Variants in SOS1 observed in about 807,000 individuals in gnomAD.
SOS1 encodes SOS Ras/Rac guanine nucleotide exchange factor 1.
Under a neutral mutation model 157.6 loss-of-function variants are expected in SOS1, and 25 were observed. The ratio of observed to expected loss-of-function variants is 0.16; its 90% CI spans 0.12 to 0.22. The LOEUF is 0.22. SOS1 is among the 10% of genes least tolerant of loss of function. The probability of loss-of-function intolerance (pLI) is 1.00; values close to 1 mark genes in which losing one functional copy is unlikely to be tolerated. For missense variants in SOS1, 1,237 were observed against 1,599.1 expected, an observed-to-expected ratio of 0.77 and a Z score of 3.86; for synonymous variants, 528 against 534.0, an observed-to-expected ratio of 0.99 and a Z score of 0.16.
intron 6 of SOS1, among the ~76,000 whole-genome samples, chr2:39,043,141 ATTAGG>A (rs1670631527): frequency 6.6e-6 from 1 of 152,152 alleles, no homozygotes; most frequent in African/African-American, 2.4e-5. Context: ...AATGTCCTTT[ATTAGG>A]TTAAGAAAGT....
intron 15 of SOS1, 170 bp from the exon 16 acceptor site, chr2:39,007,363 G>A: frequency 1.6e-6 from 1 of 608,988 alleles, no homozygotes; most frequent in East Asian, 2.8e-5. Context: ...AGTGCCTCCA[G>A]TCAGGCATAC....
At chr2:39,080,977 G>C (rs1464979895) in intron 1 of SOS1, among the ~76,000 whole-genome samples, 1 of 151,980 alleles carries the variant, frequency 6.6e-6, no homozygotes, top group African/African-American at 2.4e-5. Flanking sequence ...CTTGAGCCTA[G>C]GAGTTCAAGA....
upstream of SOS1, among the ~76,000 whole-genome samples, chr2:39,123,822 G>A (rs1051092121): frequency 6.6e-6 from 1 of 152,202 alleles, no homozygotes; most frequent in Non-Finnish European, 1.5e-5. Flanking sequence ...CAGAAAACGG[G>A]CGATTTTCGG....
rs1299196526 is a variant in SOS1 at position 38,996,905 on chromosome 2, A to G, written c.3081+17T>C. 4.0e-6 allele frequency: 5 copies of G among 1,254,358 alleles called. No homozygotes were observed. In the East Asian group the frequency reaches 9.3e-5, roughly 23 times the overall value. 77.7% of individuals were successfully genotyped at this position (1,254,358 alleles called of 1,614,324 possible). On this transcript the variant is annotated intron_variant, in intron 19 of 22. Transcript: ENST00000402219. ...ATGGTAGTAATGACATCACCAGACA[A>G]ATATACAAATGCTTACAAATCTTGG...
intron 17 of SOS1, among the ~76,000 whole-genome samples, chr2:39,004,406 C>CAAAAAAAAAAAAAAAAAATAA (rs1669217878): frequency 1.5e-5 from 1 of 66,534 alleles, no homozygotes; most frequent in African/African-American, 7.2e-5. Flanking sequence ...GACTCTGTGT[C>CAAAAAAAAAAAAAAAAAATAA]AAAAAAAAAA....
intron 1 of SOS1, among the ~76,000 whole-genome samples, chr2:39,080,383 A>G (rs1334232579): frequency 6.6e-6 from 1 of 152,102 alleles, no homozygotes; most frequent in Non-Finnish European, 1.5e-5. Flanking sequence ...TTGCTCACTC[A>G]CCCACTGCTC....
chr2:39,124,645 T>G (rs1306708512), upstream of SOS1, among the ~76,000 whole-genome samples: 1 of 152,246 alleles, frequency 6.6e-6, no homozygotes, highest in African/African-American at 2.4e-5. Context: ...TGACGCGAAC[T>G]TCGGACCCAG....
At chr2:39,068,935 C>T (rs1267230248) in intron 1 of SOS1, among the ~76,000 whole-genome samples, 1 of 152,028 alleles carries the variant, frequency 6.6e-6, no homozygotes, top group Non-Finnish European at 1.5e-5. Context: ...TGGTAGGGCA[C>T]TTACTGGATG....
At chr2:39,035,707 T>C (rs1047953584) in intron 6 of SOS1, among the ~76,000 whole-genome samples, 3 of 152,208 alleles carry the variant, frequency 2.0e-5, no homozygotes, top group African/African-American at 4.8e-5. Flanking sequence ...TGATGAATAA[T>C]AAAATCCTTA....
intron 1 of SOS1, among the ~76,000 whole-genome samples, chr2:39,084,892 G>A (rs959408492): frequency 6.6e-6 from 1 of 152,144 alleles, no homozygotes; most frequent in Non-Finnish European, 1.5e-5. Context: ...AAGAGTCTCT[G>A]ATGATTTTTT....
chr2:39,090,855 TTTG>T (rs142085829), intron 1 of SOS1, among the ~76,000 whole-genome samples: 7,962 of 152,162 alleles, frequency 0.052, 266 homozygotes, highest in Middle Eastern at 0.085. Flanking sequence ...TAGAACATTT[TTTG>T]TTGTTGTTGT....
chr2:39,000,975 G>A (rs147658205), intron 17 of SOS1, among the ~76,000 whole-genome samples: 6 of 152,244 alleles, frequency 3.9e-5, no homozygotes, highest in Non-Finnish European at 5.9e-5. Context: ...GATCAGAGCT[G>A]TGTAAAAGCA....
chr2:39,097,810 G>A (rs866450145), intron 1 of SOS1, among the ~76,000 whole-genome samples: 1 of 152,054 alleles, frequency 6.6e-6, no homozygotes, highest in Non-Finnish European at 1.5e-5. Context: ...AGCAATCCAC[G>A]TGCCTTGGCC....
At position 39,071,047 on chromosome 2, in the gene SOS1, T is replaced by C. The variant is rs544952372; in HGVS notation, c.88-3294A>G. On this transcript the variant is annotated intron_variant, in intron 1 of 22. Coordinates refer to ENST00000402219, the MANE Select transcript of SOS1 (RefSeq NM_005633.4). ...TGGGCTAATTTTTTTTTAGTATTTTTAGTAGAGACCGGGTTTTACCATGTT... is the reference window on the plus strand; with the variant it reads ...TGGGCTAATTTTTTTTTAGTATTTTCAGTAGAGACCGGGTTTTACCATGTT... Among the ~76,000 whole-genome samples the C allele has an allele frequency of 1.2e-4, 19 of 152,214 alleles. No individual in the cohort carries two copies. The South Asian group carries it at 3.5e-3, about 28-fold the overall frequency.
At chr2:39,106,574 G>C (rs368371659) in intron 1 of SOS1, among the ~76,000 whole-genome samples, 58 of 133,568 alleles carry the variant, frequency 4.3e-4, no homozygotes, top group African/African-American at 1.6e-3. Context: ...CTGGGCGACA[G>C]AGCGAGACTC....
intron 8 of SOS1, among the ~76,000 whole-genome samples, chr2:39,029,766 C>T (rs2124551072): frequency 6.6e-6 from 1 of 152,296 alleles, no homozygotes; most frequent in Non-Finnish European, 1.5e-5. Flanking sequence ...AGACATTCAA[C>T]ATTTGTGGTC....
intron 10 of SOS1, among the ~76,000 whole-genome samples, chr2:39,020,912 T>A (rs1366679687): frequency 6.6e-6 from 1 of 151,704 alleles, no homozygotes; most frequent in Non-Finnish European, 1.5e-5. Flanking sequence ...TCAAAAAACT[T>A]AGCCACAACA....
intron 10 of SOS1, among the ~76,000 whole-genome samples, chr2:39,022,317 C>G (rs560516373): frequency 2.0e-5 from 3 of 151,926 alleles, no homozygotes; most frequent in African/African-American, 7.2e-5. Context: ...CTGTCACTTT[C>G]TAACTGGATA....
intron 1 of SOS1, among the ~76,000 whole-genome samples, chr2:39,068,797 G>C (rs1163829997): frequency 6.6e-6 from 1 of 151,878 alleles, no homozygotes; most frequent in Non-Finnish European, 1.5e-5. Context: ...TGTAAAGCTT[G>C]CATGTTAATA....
Sources: gnomAD v4.1 joint callset for allele counts (sites outside exome capture counted in the v4.1 genomes callset) on GRCh38, gnomAD v4.1.1 for gene constraint, MANE v1.5 for transcripts, NCBI Gene and HGNC (gene_info 2026-07-23, HGNC 2026-07-21) for gene names.